The following CHP1 variants were observed in gnomAD, a reference collection of about 807,000 sequenced individuals.
CHP1 encodes the protein calcineurin like EF-hand protein 1.
CHP1 carries 11 observed loss-of-function variants against 27.4 expected under a neutral mutation model. That is an observed-to-expected ratio of 0.40 (90% confidence interval 0.25 to 0.67). The LOEUF is 0.67. Among genes scored for constraint, CHP1 ranks in the 30% least tolerant of loss-of-function variants. The pLI, the probability that CHP1 is intolerant of heterozygous loss-of-function variation, is 0.38. For missense variants in CHP1, 169 were observed against 251.3 expected (o/e 0.67, Z 2.22); for synonymous variants, 89 against 87.4 (o/e 1.02, Z -0.10).
intron 2 of CHP1, among the ~76,000 whole-genome samples, chr15:41,252,030 C>G (rs941536933): frequency 1.3e-5 from 2 of 152,028 alleles, no homozygotes; most frequent in Non-Finnish European, 2.9e-5. Context: ...GCGTCAACCA[C>G]CACGCCTGGC....
chr15:41,253,571 C>G (rs2047382197), intron 2 of CHP1, among the ~76,000 whole-genome samples: 1 of 151,752 alleles, frequency 6.6e-6, no homozygotes, highest in Non-Finnish European at 1.5e-5. Context: ...TCTCCTGCCT[C>G]AGTCTCCCGA....
chr15:41,250,879 G>T (rs1349732573), intron 2 of CHP1, among the ~76,000 whole-genome samples: 8 of 151,316 alleles, frequency 5.3e-5, no homozygotes, highest in Non-Finnish European at 1.2e-4. Flanking sequence ...CACCAGGCTG[G>T]AGTGCAGAGG....
At chr15:41,277,966 C>A (rs1349798094) in intron 5 of CHP1, among the ~76,000 whole-genome samples, 2 of 150,200 alleles carry the variant, frequency 1.3e-5, no homozygotes, top group Admixed American at 6.6e-5. Context: ...AAAAAAAAAA[C>A]CCAAAAACAA....
chr15:41,245,188 C>T (rs1357953933), intron 2 of CHP1, among the ~76,000 whole-genome samples: 1 of 152,202 alleles, frequency 6.6e-6, no homozygotes, highest in South Asian at 2.1e-4. Flanking sequence ...TGGCTGGACA[C>T]GGTGGCTCAT....
intron 2 of CHP1, among the ~76,000 whole-genome samples, chr15:41,247,163 G>A (rs1038621731): frequency 6.6e-6 from 1 of 152,018 alleles, no homozygotes; most frequent in African/African-American, 2.4e-5. Context: ...GAGGCCAGGA[G>A]TTTGAGATCG....
At chr15:41,249,608 G>T (rs569217973) in intron 2 of CHP1, among the ~76,000 whole-genome samples, 1 of 151,620 alleles carries the variant, frequency 6.6e-6, no homozygotes, top group East Asian at 1.9e-4. Context: ...GAGTAGCTGG[G>T]ACTACAGGTG....
chr15:41,256,967 C>T lies in CHP1; in HGVS notation c.198C>T (p.Ile66=), dbSNP rs1383901081. Residue 66 remains isoleucine, a synonymous_variant, in exon 3 of 7, where the codon ATC becomes ATT. Transcript: ENST00000334660. ...ELAINPLGDR[I]INAFFPEGED... ...CCATCAACCCACTGGGGGACCGGAT[C>T]ATCAATGCCTTCTTTCCAGAGGGGT... is the stretch of plus-strand genomic sequence containing the variant. 2.5e-6 allele frequency: 4 copies of T among 1,613,890 alleles called. No individual in the cohort carries two copies. The African/African-American group carries it at 5.3e-5, about 22-fold the overall frequency.
chr15:41,255,494 A>G (rs7162503), intron 2 of CHP1, among the ~76,000 whole-genome samples: 79,075 of 149,814 alleles, frequency 0.53, 22,504 homozygotes, highest in African/African-American at 0.77. Flanking sequence ...CCAATGTGGT[A>G]AAACCCCACC....
chr15:41,253,442 T>C (rs958894323), intron 2 of CHP1, among the ~76,000 whole-genome samples: 1 of 149,572 alleles, frequency 6.7e-6, no homozygotes, highest in African/African-American at 2.5e-5. Context: ...TATTTATTTA[T>C]TTATTTATTT....
intron 1 of CHP1, among the ~76,000 whole-genome samples, chr15:41,234,996 T>C (rs2047269612): frequency 6.6e-6 from 1 of 152,244 alleles, no homozygotes; most frequent in African/African-American, 2.4e-5. Context: ...TTTAACAGTT[T>C]ATGAAACTGT....
At chr15:41,259,857 A>G (rs990789274) in intron 3 of CHP1, among the ~76,000 whole-genome samples, 2 of 152,056 alleles carry the variant, frequency 1.3e-5, no homozygotes, top group Non-Finnish European at 2.9e-5. Context: ...GGTTCGAGTG[A>G]TTCTCCTGCC....
chr15:41,255,194 C>G (rs189103565), intron 2 of CHP1, among the ~76,000 whole-genome samples: 1 of 152,060 alleles, frequency 6.6e-6, no homozygotes, highest in African/African-American at 2.4e-5. Flanking sequence ...TTTCCTAGTC[C>G]GGGATCATGT....
rs186480288 is a variant in CHP1, at chr15:41,264,365, C to A, written c.349+1482C>A. The A allele has an allele frequency of 2.8e-5, 10 of 355,952 alleles. No individual in the cohort carries two copies. The Admixed American group carries it at 3.5e-4, about 13-fold the overall frequency. 22.0% of individuals were successfully genotyped at this position (355,952 alleles called of 1,614,324 possible). On this transcript the variant is annotated intron_variant, in intron 4 of 6. Coordinates refer to ENST00000334660, the MANE Select transcript of CHP1 (RefSeq NM_007236.5). ...TCTGCTAAGGAAAAAGGTTGGAATGCCACAGAAATGGCAGACTTCAGGATG... is the reference window on the plus strand; with the variant it reads ...TCTGCTAAGGAAAAAGGTTGGAATGACACAGAAATGGCAGACTTCAGGATG...
In CHP1 at chr15:41,242,712, G is replaced by A. The variant is rs547171127; in HGVS notation, c.68-955G>A. On this transcript the variant is annotated intron_variant, in intron 1 of 6. Coordinates refer to ENST00000334660, the MANE Select transcript of CHP1 (RefSeq NM_007236.5). ...TAATCCCAGCACTTTGGGAGGCTGA[G>A]GCAGGTGGATCACCTGAGGTCAGGA... Among the ~76,000 whole-genome samples, 119 of 152,274 alleles carry A rather than the reference G, an allele frequency of 7.8e-4. 1 individual carries two copies. Among genetic ancestry groups the A allele is most frequent in the African/African-American group, 2.7e-3 (113 of 41,564 alleles).
intron 2 of CHP1, among the ~76,000 whole-genome samples, chr15:41,244,963 A>G (rs1428010635): frequency 6.6e-6 from 1 of 152,150 alleles, no homozygotes; most frequent in East Asian, 1.9e-4. Flanking sequence ...TGGATGTAGC[A>G]TAAAGGGGGA....
At chr15:41,243,009 A>G (rs1258339903) in intron 1 of CHP1, among the ~76,000 whole-genome samples, 1 of 152,050 alleles carries the variant, frequency 6.6e-6, no homozygotes, top group East Asian at 1.9e-4. Flanking sequence ...CCTCTAAGTC[A>G]GGGCATTGAA....
intron 4 of CHP1, among the ~76,000 whole-genome samples, chr15:41,263,228 CATT>C (rs1033831256): frequency 3.0e-4 from 45 of 152,302 alleles, no homozygotes; most frequent in African/African-American, 9.9e-4. Flanking sequence ...TACCTAGTAT[CATT>C]ATAATTCATT....
At chr15:41,248,614 G>A (rs1299320292) in intron 2 of CHP1, among the ~76,000 whole-genome samples, 1 of 152,022 alleles carries the variant, frequency 6.6e-6, no homozygotes, top group Admixed American at 6.6e-5. Flanking sequence ...TCATGGTGTG[G>A]ATTGAAATAT....
At chr15:41,265,546 C>T (rs1191186814) in intron 4 of CHP1, among the ~76,000 whole-genome samples, 2 of 146,164 alleles carry the variant, frequency 1.4e-5, no homozygotes, top group Non-Finnish European at 3.1e-5. Context: ...CCTGTCTGTA[C>T]TAAAAATACA....
Sources: gnomAD v4.1 joint callset for allele counts (sites outside exome capture counted in the v4.1 genomes callset) on GRCh38, gnomAD v4.1.1 for gene constraint, MANE v1.5 for transcripts, NCBI Gene and HGNC (gene_info 2026-07-23, HGNC 2026-07-21) for gene names.